The following NXN variants were observed in gnomAD, a reference collection of about 807,000 sequenced individuals.
The protein encoded by NXN is nucleoredoxin.
A neutral mutation model predicts 48.6 loss-of-function variants in NXN; 16 were observed. That is an observed-to-expected ratio of 0.33 (90% CI 0.22 to 0.50). The LOEUF (loss-of-function observed/expected upper bound fraction) is 0.50, where lower values mean the gene tolerates loss of function less well. NXN is among the 20% of genes least tolerant of loss of function. The pLI, the probability that NXN is intolerant of heterozygous loss-of-function variation, is 0.98. For synonymous variants in NXN, 281 were observed against 269.6 expected (o/e 1.04, Z -0.41); for missense variants, 492 against 605.5 (o/e 0.81, Z 1.97).
At chr17:819,091 C>T in intron 5 of NXN, 1 of 331,034 alleles carries the variant, frequency 3.0e-6, no homozygotes, top group East Asian at 9.6e-5. Flanking sequence ...GTACTACAGG[C>T]ACCCGCCACC....
At chr17:826,456 T>C (rs1334278466) in intron 1 of NXN, among the ~76,000 whole-genome samples, 4 of 152,128 alleles carry the variant, frequency 2.6e-5, no homozygotes, top group Non-Finnish European at 4.4e-5. Flanking sequence ...GTACTACCCT[T>C]CCACGTCTCT....
rs1016218192 is a variant in NXN at position 956,495 on chromosome 17, C to G, written c.360+22824G>C. Among the ~76,000 whole-genome samples the G allele has an allele frequency of 3.3e-5, 5 of 152,190 alleles. No individual in the cohort carries two copies. The highest frequency in any genetic ancestry group is 5.9e-5 in the Non-Finnish European group (4 of 68,036). On this transcript the variant is annotated intron_variant, in intron 1 of 7. Transcript: ENST00000336868. This position sits in a 1 kb window ranked among gnomAD's most constrained non-coding sequence, Gnocchi z 4.1. The stretch of plus-strand genomic sequence containing the variant: ...ACGGCACAACCTCAGCTCACTGCAA[C>G]CTCCACCTCCCGGGTTCCCGCCATT...
intron 3 of NXN, among the ~76,000 whole-genome samples, chr17:823,402 A>C (rs931978932): frequency 4.0e-5 from 6 of 150,524 alleles, no homozygotes; most frequent in Non-Finnish European, 8.9e-5. Flanking sequence ...CTGGCTCAGA[A>C]AAAAAAAAAA....
intron 1 of NXN, among the ~76,000 whole-genome samples, chr17:962,339 A>G (rs570336802): frequency 7.2e-5 from 11 of 152,210 alleles, no homozygotes; most frequent in Non-Finnish European, 1.5e-4. Flanking sequence ...AACTAGGCAT[A>G]TTGCCTAACA....
rs896491930 is a variant in NXN, at chr17:919,619, C to T, written c.360+59700G>A. 3.9e-5 allele frequency among the ~76,000 whole-genome samples: 6 copies of T among 152,112 alleles called. No individual in the cohort carries two copies. Among genetic ancestry groups the T allele is most frequent in the Admixed American group, 6.6e-5 (1 of 15,264 alleles). ...ACGTCGTCCTCGGAATCCCCGCATT[C>T]GTCCCACGCGGCCCTCAGACACGGG... On this transcript the variant is annotated intron_variant, in intron 1 of 7. Coordinates refer to ENST00000336868, the MANE Select transcript of NXN (RefSeq NM_022463.5). The surrounding 1 kb of genome is among the most constrained non-coding windows in gnomAD (Gnocchi z 5.1).
At chr17:822,804 G>A (rs62067090) in intron 3 of NXN, among the ~76,000 whole-genome samples, 25,317 of 152,128 alleles carry the variant, frequency 0.17, 2,162 homozygotes, top group Non-Finnish European at 0.17. Flanking sequence ...CACATGGATT[G>A]AGAGAAATAT....
chr17:955,316 C>CCA (rs2069154122), intron 1 of NXN, among the ~76,000 whole-genome samples: 3 of 151,514 alleles, frequency 2.0e-5, no homozygotes, highest in African/African-American at 7.3e-5. Context: ...TACAGGCATG[C>CCA]GCCACCACAC....
intron 1 of NXN, among the ~76,000 whole-genome samples, chr17:857,033 G>A (rs949677008): frequency 1.3e-5 from 2 of 152,166 alleles, no homozygotes; most frequent in East Asian, 1.9e-4. Context: ...CCCACTTCTC[G>A]GTACCAATTT....
intron 5 of NXN, among the ~76,000 whole-genome samples, chr17:809,440 A>G (rs1911781617): frequency 6.6e-6 from 1 of 152,162 alleles, no homozygotes; most frequent in Admixed American, 6.5e-5. Flanking sequence ...TAGTCTGGTG[A>G]CTTTTCCACT....
In NXN at chr17:842,580, C is replaced by T. The variant is rs758619302; in HGVS notation, c.361-16502G>A. The T allele has an allele frequency of 3.5e-4, 340 of 985,228 alleles. 1 individual carries two copies. Among genetic ancestry groups the T allele is most frequent in the Non-Finnish European group, 4.0e-4 (333 of 829,872 alleles). 61.0% of individuals were successfully genotyped at this position (985,228 alleles called of 1,614,324 possible). A position where few individuals can be genotyped will look rare whatever the true frequency, so the allele number is the denominator to read the frequency against. The stretch of plus-strand genomic sequence containing the variant: ...GCACATCCCGAGACACGTGGGGGCC[C>T]GTCTCCTCCTCCTTCCAGGAGTCAC... On this transcript the variant is annotated intron_variant, in intron 1 of 7. Coordinates refer to ENST00000336868, the MANE Select transcript of NXN (RefSeq NM_022463.5).
intron 1 of NXN, among the ~76,000 whole-genome samples, chr17:974,390 TAC>T (rs1200144304): frequency 6.6e-6 from 1 of 152,026 alleles, no homozygotes; most frequent in East Asian, 1.9e-4. Context: ...TATATGGATA[TAC>T]CTCATAACCG....
At chr17:859,234 G>A (rs780588802) in intron 1 of NXN, among the ~76,000 whole-genome samples, 6 of 152,132 alleles carry the variant, frequency 3.9e-5, no homozygotes, top group Non-Finnish European at 8.8e-5. Flanking sequence ...CCCCCTCCCT[G>A]AGATGTGTTT....
chr17:859,290 A>G (rs2068018469), intron 1 of NXN, among the ~76,000 whole-genome samples: 1 of 152,214 alleles, frequency 6.6e-6, no homozygotes, highest in Non-Finnish European at 1.5e-5. Flanking sequence ...GAAGTGGAAT[A>G]AAGAGTCGCT....
intron 5 of NXN, among the ~76,000 whole-genome samples, chr17:812,671 T>TGACTGTAGGTGTGTGC (rs1555609356): frequency 2.0e-5 from 3 of 149,220 alleles, no homozygotes; most frequent in East Asian, 2.0e-4. Flanking sequence ...TAGGTGTGTG[T>TGACTGTAGGTGTGTGC]GAGTGTAGGT....
intron 1 of NXN, among the ~76,000 whole-genome samples, chr17:833,779 TGA>T (rs755823862): frequency 6.6e-6 from 1 of 152,134 alleles, no homozygotes; most frequent in Non-Finnish European, 1.5e-5. Context: ...TTGATTCAAC[TGA>T]GAGAGAGATA....
At chr17:812,645 T>C (rs1044246664) in intron 5 of NXN, among the ~76,000 whole-genome samples, 1 of 151,538 alleles carries the variant, frequency 6.6e-6, no homozygotes, top group African/African-American at 2.4e-5. Context: ...TGTGTGAGTG[T>C]GCATGTGTGT....
chr17:919,147 G>A lies in NXN; in HGVS notation c.360+60172C>T, dbSNP rs1244284636. The stretch of plus-strand genomic sequence containing the variant: ...CTTTGGGAGGCTGAGGGTGGATCAC[G>A]AGGTCAGGAGATCGAGACCATCCTG... On this transcript the variant is annotated intron_variant, in intron 1 of 7. Coordinates refer to ENST00000336868, the MANE Select transcript of NXN (RefSeq NM_022463.5). The surrounding 1 kb of genome is among the most constrained non-coding windows in gnomAD (Gnocchi z 5.1). 6.6e-6 allele frequency among the ~76,000 whole-genome samples: 1 copy of A among 151,972 alleles called. No homozygotes were observed. Among genetic ancestry groups the A allele is most frequent in the Non-Finnish European group, 1.5e-5 (1 of 68,012 alleles).
chr17:895,686 T>C (rs8071202), intron 1 of NXN, among the ~76,000 whole-genome samples: 18,274 of 148,184 alleles, frequency 0.12, 1,320 homozygotes, highest in South Asian at 0.31. Context: ...GGCGTGGTGG[T>C]GGGCACCTGT....
At chr17:959,078 C>A (rs79381300) in intron 1 of NXN, 12,676 of 296,290 alleles carry the variant, frequency 0.043, 1,092 homozygotes, top group East Asian at 0.31. Context: ...TCATCACGGG[C>A]GGTGTGGCTG....
Sources: gnomAD v4.1 joint callset for allele counts (sites outside exome capture counted in the v4.1 genomes callset) on GRCh38, gnomAD v4.1.1 for gene constraint, Gnocchi (gnomAD v3.1) non-coding constraint, MANE v1.5 for transcripts, NCBI Gene and HGNC (gene_info 2026-07-23, HGNC 2026-07-21) for gene names.